Variants in RCN1 observed in about 807,000 individuals in gnomAD.
RCN1 encodes the protein reticulocalbin-1.
Under a neutral mutation model 34.7 loss-of-function variants are expected in RCN1, and 14 were observed. That is an observed-to-expected ratio of 0.40 (90% CI 0.27 to 0.63). The LOEUF is 0.63. Ranked by LOEUF, RCN1 falls within the 30% of genes least tolerant of loss-of-function variation. The pLI, the probability that RCN1 is intolerant of heterozygous loss-of-function variation, is 0.37. For synonymous variants in RCN1, 125 were observed against 165.5 expected, an observed-to-expected ratio of 0.76 and a Z score of 1.88; for missense variants, 326 against 425.1, an observed-to-expected ratio of 0.77 and a Z score of 2.05.
chr11:32,098,493 G>A lies in RCN1; in HGVS notation c.592G>A (p.Glu198Lys). 6.2e-7 allele frequency: 1 copy of A among 1,613,692 alleles called. No individual in the cohort carries two copies. The highest frequency in any genetic ancestry group is 8.5e-7 in the Non-Finnish European group (1 of 1,179,880). The change falls in exon 3 of 6, where the codon GAA (glutamate) becomes AAA (lysine). Residue 198 changes from glutamate to lysine, a missense_variant. Transcript: ENST00000054950. ...GGAGTTCACTGCCTTTCTGCATCCT[G>A]AAGAGTTTGAACATATGAAGGAAAT... ...REEFTAFLHP[E>K]EFEHMKEIVV...
chr11:32,100,696 C>G (rs929249415), intron 4 of RCN1, 88 bp downstream of exon 4: 5 of 1,015,692 alleles, frequency 4.9e-6, no homozygotes, highest in Admixed American at 1.8e-5. Context: ...CCAGACGTCT[C>G]TTTTAGCAAC....
rs151337634 is a variant in RCN1, at chr11:32,099,581, C to T, written c.628-967C>T. ...AAGGCCTCAGAATGTAGTTGCTTTC[C>T]GTAGTGTCTTGTTGGGTCCCAAATG... On this transcript the variant is annotated intron_variant, in intron 3 of 5. Coordinates refer to ENST00000054950, the MANE Select transcript of RCN1 (RefSeq NM_002901.4). Among the ~76,000 whole-genome samples, 55 of 152,238 alleles carry T rather than the reference C, an allele frequency of 3.6e-4. No individual in the cohort carries two copies. In the South Asian group the frequency reaches 0.01, roughly 29 times the overall value.
intron 1 of RCN1, among the ~76,000 whole-genome samples, chr11:32,093,943 A>G (rs1851945504): frequency 6.6e-6 from 1 of 152,142 alleles, no homozygotes; most frequent in Non-Finnish European, 1.5e-5. Flanking sequence ...CAGAACTGGC[A>G]GCTCTTGCTC....
chr11:32,091,563 C>G (rs1590216354), intron 1 of RCN1, 113 bp downstream of exon 1: 2 of 1,376,000 alleles, frequency 1.5e-6, no homozygotes, highest in Non-Finnish European at 1.9e-6. Context: ...CGCGCGCGGC[C>G]TCGAGGATGG....
intron 1 of RCN1, among the ~76,000 whole-genome samples, chr11:32,092,903 G>A (rs1232616865): frequency 6.6e-6 from 1 of 152,216 alleles, no homozygotes; most frequent in Non-Finnish European, 1.5e-5. Context: ...TTGTGTAGGT[G>A]CACCATTTGC....
intron 4 of RCN1, chr11:32,102,911 T>G: frequency 2.3e-6 from 1 of 435,840 alleles, no homozygotes; most frequent in Non-Finnish European, 4.5e-6. Context: ...GCTTATGTAG[T>G]GCCAGTTTGG....
rs745451459 is a variant in RCN1 at position 32,103,401 on chromosome 11, G to A, written c.809G>A (p.Arg270His). The A allele has an allele frequency of 2.5e-6, 4 of 1,613,464 alleles. No homozygotes were observed. Among genetic ancestry groups the A allele is most frequent in the Non-Finnish European group, 3.4e-6 (4 of 1,179,476 alleles). Residue 270 changes from arginine to histidine, a missense_variant, in exon 5 of 6, where the codon CGC becomes CAC. Transcript: ENST00000054950. ...GGGAAGTTAGACAAAGATGAGATTC[G>A]CCACTGGATCCTCCCTCAAGATTAT... Reference protein sequence around the residue: ...KDGKLDKDEIRHWILPQDYDH... With the variant: ...KDGKLDKDEIHHWILPQDYDH...
chr11:32,097,998 G>T (rs553491212), intron 2 of RCN1, among the ~76,000 whole-genome samples: 1 of 152,208 alleles, frequency 6.6e-6, no homozygotes, highest in Admixed American at 6.5e-5. Flanking sequence ...CAGGCACGGC[G>T]TTGAGACAAG....
At chr11:32,092,265 C>T (rs1851931252) in intron 1 of RCN1, among the ~76,000 whole-genome samples, 1 of 152,126 alleles carries the variant, frequency 6.6e-6, no homozygotes, top group Non-Finnish European at 1.5e-5. Flanking sequence ...CGAGATTGCG[C>T]CACTGCACTC....
chr11:32,102,302 A>C (rs1852054882), intron 4 of RCN1: 1 of 152,144 alleles, frequency 6.6e-6, no homozygotes. Context: ...ACAGGATTCG[A>C]TGAAGCTCGA....
chr11:32,095,370 C>T (rs895455045), intron 1 of RCN1, among the ~76,000 whole-genome samples: 1 of 152,080 alleles, frequency 6.6e-6, no homozygotes, highest in South Asian at 2.1e-4. Context: ...CCTCAGCCTC[C>T]TGAGTAGCTG....
chr11:32,104,578 A>G lies in RCN1; in HGVS notation c.*106A>G, dbSNP rs1342801042. The G allele has an allele frequency of 1.5e-6, 1 of 659,740 alleles. No individual in the cohort carries two copies. Among genetic ancestry groups the G allele is most frequent in the Non-Finnish European group, 2.7e-6 (1 of 374,170 alleles). 40.9% of individuals were successfully genotyped at this position (659,740 alleles called of 1,614,324 possible). On this transcript the variant is annotated 3_prime_UTR_variant, in exon 6 of 6. Coordinates refer to ENST00000054950, the MANE Select transcript of RCN1 (RefSeq NM_002901.4). The stretch of plus-strand genomic sequence containing the variant: ...AGCAGTTGTGATCCCACAAAAAGCA[A>G]GTTTATACCTCAGATTGGGGTATAA...
intron 4 of RCN1, among the ~76,000 whole-genome samples, chr11:32,100,854 G>A (rs1263876616): frequency 6.6e-6 from 1 of 152,136 alleles, no homozygotes; most frequent in Non-Finnish European, 1.5e-5. Context: ...GCCAACAGTT[G>A]GCCCCATGAC....
At chr11:32,093,091 G>A (rs908133166) in intron 1 of RCN1, among the ~76,000 whole-genome samples, 2 of 152,180 alleles carry the variant, frequency 1.3e-5, no homozygotes, top group Admixed American at 1.3e-4. Context: ...CTGAGTGGCA[G>A]CCACATTGTC....
chr11:32,100,752 T>A (rs764894911), intron 4 of RCN1, 144 bp downstream of exon 4: 22 of 628,390 alleles, frequency 3.5e-5, no homozygotes, highest in Non-Finnish European at 5.1e-5. Flanking sequence ...AGCCTGCTTG[T>A]CCCATCAGCC....
intron 3 of RCN1, among the ~76,000 whole-genome samples, chr11:32,100,072 A>C (rs1217811008): frequency 6.6e-6 from 1 of 152,264 alleles, no homozygotes; most frequent in Non-Finnish European, 1.5e-5. Flanking sequence ...AGAGCACAAT[A>C]CATCAAAAAG....
intron 1 of RCN1, 175 bp downstream of exon 1, chr11:32,091,625 G>A (rs1851922976): frequency 3.8e-6 from 3 of 786,166 alleles, no homozygotes; most frequent in African/African-American, 1.9e-5. Flanking sequence ...GGAGGGCCCC[G>A]GGACCCCAGC....
rs766313272 is a variant in RCN1, at chr11:32,103,375, C to A, written c.783C>A (p.Asp261Glu). 1 of 1,613,184 alleles carries A rather than the reference C, an allele frequency of 6.2e-7. No homozygotes were observed. The highest frequency in any genetic ancestry group is 8.5e-7 in the Non-Finnish European group (1 of 1,179,184). ...ACGAATTCCGGGATCTGAACAAGGA[C>A]GGGAAGTTAGACAAAGATGAGATTC... ...QFNEFRDLNK[D>E]GKLDKDEIRH... is the part of the protein sequence containing the mutation. Residue 261 changes from aspartate (D) to glutamate (E), a missense_variant, in exon 5 of 6, where the codon GAC (aspartate) becomes GAA (glutamate). Coordinates refer to ENST00000054950, the MANE Select transcript of RCN1 (RefSeq NM_002901.4).
rs1826329922 is a variant in RCN1, at chr11:32,097,253, A to G, written c.364A>G (p.Lys122Glu). 5.6e-6 allele frequency: 9 copies of G among 1,606,780 alleles called. No individual in the cohort carries two copies. Among genetic ancestry groups the G allele is most frequent in the Middle Eastern group, 1.7e-4 (1 of 6,030 alleles). Residue 122 changes from lysine to glutamate, a missense_variant, in exon 2 of 6, where the codon AAA becomes GAA. By Grantham distance (56) the Lys-to-Glu change is moderately conservative (BLOSUM62 1). Transcript: ENST00000054950. ...QKRYIFDNVAKVWKDYDRDKD... is the reference protein window; with the variant it reads ...QKRYIFDNVAEVWKDYDRDKD... Reference sequence around the variant, plus strand: ...AAGATACATCTTTGATAATGTCGCCAAAGTCTGGAAGGATTATGATAGGGA... The same window carrying G: ...AAGATACATCTTTGATAATGTCGCCGAAGTCTGGAAGGATTATGATAGGGA...
Sources: allele counts gnomAD v4.1 joint callset (sites outside exome capture counted in the v4.1 genomes callset), GRCh38; gene constraint gnomAD v4.1.1; transcripts MANE v1.5; gene names NCBI Gene and HGNC (gene_info 2026-07-23, HGNC 2026-07-21).